The following RIMKLA variants were observed in gnomAD, a reference collection of about 807,000 sequenced individuals.
The protein encoded by RIMKLA is N-acetylaspartylglutamate synthase A.
RIMKLA carries 14 observed loss-of-function variants against 32.7 expected under a neutral mutation model. The observed-to-expected ratio is 0.43, with a 90% CI of 0.28 to 0.67. The LOEUF (loss-of-function observed/expected upper bound fraction) is 0.67. RIMKLA is among the 30% of genes least tolerant of loss of function. The probability of loss-of-function intolerance (pLI) is 0.18; values close to 1 mark genes in which losing one functional copy is unlikely to be tolerated. For missense variants in RIMKLA, 410 were observed against 519.0 expected, an observed-to-expected ratio of 0.79 and a Z score of 2.04; for synonymous variants, 176 against 204.1, an observed-to-expected ratio of 0.86 and a Z score of 1.18.
intron 1 of RIMKLA, among the ~76,000 whole-genome samples, chr1:42,399,122 AGGAAGGTGACT>A (rs1643072469): frequency 6.6e-6 from 1 of 152,164 alleles, no homozygotes; most frequent in African/African-American, 2.4e-5. Flanking sequence ...TCCTATGGGA[AGGAAGGTGACT>A]GTATATCTCC....
chr1:42,381,636 G>A (rs562612294), intron 1 of RIMKLA, among the ~76,000 whole-genome samples: 1 of 152,314 alleles, frequency 6.6e-6, no homozygotes, highest in Non-Finnish European at 1.5e-5. Flanking sequence ...CGAGTGTAAA[G>A]TGGGAGTGTA....
intron 1 of RIMKLA, among the ~76,000 whole-genome samples, chr1:42,398,706 C>T (rs1336795800): frequency 6.6e-6 from 1 of 152,110 alleles, no homozygotes; most frequent in African/African-American, 2.4e-5. Context: ...CAATGGCTCA[C>T]GCCTGTAATC....
rs550091202 is a variant in RIMKLA, at chr1:42,420,393, C to A, written c.*5419C>A. On this transcript the variant is annotated 3_prime_UTR_variant, in exon 5 of 5. Coordinates refer to ENST00000431473, the MANE Select transcript of RIMKLA (RefSeq NM_173642.4). The stretch of plus-strand genomic sequence containing the variant: ...GCTACAACAGTGCAGACTCGGCACC[C>A]CATTTATAGAATGTTCTTTTTATAT... The A allele has an allele frequency of 6.6e-6, 1 of 152,256 alleles. No homozygotes were observed. The highest frequency in any genetic ancestry group is 1.9e-4 in the East Asian group (1 of 5,190). 9.4% of individuals were successfully genotyped at this position (152,256 alleles called of 1,614,324 possible). A position where few individuals can be genotyped will look rare whatever the true frequency, so the allele number is the denominator to read the frequency against.
At chr1:42,408,097 C>G (rs771761087) in intron 3 of RIMKLA, among the ~76,000 whole-genome samples, 1 of 152,222 alleles carries the variant, frequency 6.6e-6, no homozygotes, top group Non-Finnish European at 1.5e-5. Context: ...CTCCTGGCAT[C>G]AGATGTGTAT....
chr1:42,397,006 G>T (rs1335531147), intron 1 of RIMKLA, among the ~76,000 whole-genome samples: 1 of 146,162 alleles, frequency 6.8e-6, no homozygotes, highest in Non-Finnish European at 1.5e-5. Context: ...ATTTTTCAAA[G>T]AACAGTAAAA....
At chr1:42,399,679 T>C in intron 2 of RIMKLA, 45 bp downstream of exon 2, 1 of 1,211,560 alleles carries the variant, frequency 8.3e-7, no homozygotes. Context: ...GCATCTCTGT[T>C]TTCTTTCCTT....
rs1642879284 is a variant in RIMKLA at position 42,380,824 on chromosome 1, G to T, written c.-111G>T. The T allele has an allele frequency of 3.7e-6, 2 of 547,116 alleles. No individual in the cohort carries two copies. The highest frequency in any genetic ancestry group is 1.6e-4 in the South Asian group (2 of 12,340). The allele number at this position is 547,116 out of a possible 1,614,324, so 33.9% of individuals were successfully genotyped here. A position where few individuals can be genotyped will look rare whatever the true frequency, so the allele number is the denominator to read the frequency against. ...CGCCTGGCGCACCCGCGGGAGCGGA[G>T]CCGTGGCGCGCTCGCCCCGGACGCC... On this transcript the variant is annotated 5_prime_UTR_variant, in exon 1 of 5. Transcript: ENST00000431473.
chr1:42,416,090 G>C lies in RIMKLA; in HGVS notation c.*1116G>C, dbSNP rs1042329953. 5 of 94,556 alleles carry C rather than the reference G, an allele frequency of 5.3e-5. 1 individual carries two copies. The highest frequency in any genetic ancestry group is 1.2e-4 in the African/African-American group (3 of 25,262). 5.9% of individuals were successfully genotyped at this position (94,556 alleles called of 1,614,324 possible). ...GAATTACCCATTGCACATTTTGCGG[G>C]GGGGGGGGCTAATGTAGACATGACA... On this transcript the variant is annotated 3_prime_UTR_variant, in exon 5 of 5. Coordinates refer to ENST00000431473, the MANE Select transcript of RIMKLA (RefSeq NM_173642.4).
intron 3 of RIMKLA, among the ~76,000 whole-genome samples, chr1:42,406,409 C>G (rs1253284990): frequency 6.6e-6 from 1 of 152,136 alleles, no homozygotes; most frequent in East Asian, 1.9e-4. Context: ...AACCACTGAC[C>G]TATTATTAAT....
intron 1 of RIMKLA, among the ~76,000 whole-genome samples, chr1:42,394,142 A>G (rs115886691): frequency 5.1e-4 from 77 of 152,338 alleles, no homozygotes; most frequent in African/African-American, 1.8e-3. Context: ...TTTCACTGCC[A>G]GCCACTGTTA....
At chr1:42,407,927 G>A (rs2148393449) in intron 3 of RIMKLA, among the ~76,000 whole-genome samples, 1 of 152,094 alleles carries the variant, frequency 6.6e-6, no homozygotes, top group East Asian at 1.9e-4. Flanking sequence ...TTTATTAACT[G>A]CAGACTGACC....
rs1408110165 is a variant in RIMKLA, at chr1:42,420,238, G to A, written c.*5264G>A. ...CTTCTGCTACCTCATTTTAAATAGCGTCTTATCCCTGCAATGCATCAGCTG... is the reference window on the plus strand; with the variant it reads ...CTTCTGCTACCTCATTTTAAATAGCATCTTATCCCTGCAATGCATCAGCTG... On this transcript the variant is annotated 3_prime_UTR_variant, in exon 5 of 5. Transcript: ENST00000431473. 2.0e-5 allele frequency: 3 copies of A among 152,158 alleles called. No homozygotes were observed. The highest frequency in any genetic ancestry group is 2.9e-5 in the Non-Finnish European group (2 of 68,038). 9.4% of individuals were successfully genotyped at this position (152,158 alleles called of 1,614,324 possible).
chr1:42,386,864 GAC>G (rs1642953055), intron 1 of RIMKLA, among the ~76,000 whole-genome samples: 1 of 123,262 alleles, frequency 8.1e-6, no homozygotes, highest in Non-Finnish European at 1.7e-5. Context: ...TACCCTGGGC[GAC>G]ACAGACTCCA....
intron 3 of RIMKLA, among the ~76,000 whole-genome samples, chr1:42,405,770 G>C (rs900143157): frequency 2.6e-5 from 4 of 152,226 alleles, no homozygotes; most frequent in African/African-American, 7.2e-5. Context: ...CCAGGGGTCT[G>C]TTTAAGCCTA....
intron 3 of RIMKLA, among the ~76,000 whole-genome samples, chr1:42,409,271 C>T (rs1187065201): frequency 8.7e-6 from 1 of 114,422 alleles, no homozygotes; most frequent in Admixed American, 8.7e-5. Context: ...GCAATTTGAA[C>T]AGAAAATAAA....
rs750933862 is a variant in RIMKLA, at chr1:42,414,488, C to T, written c.690C>T (p.Gly230=). ...GRMQSNCSLG[G]VGVKCPLTEQ... Reference sequence around the variant, plus strand: ...ATCACTGTGCTTTCCCCACAGGTGGCGTGGGCGTCAAGTGTCCGCTGACAG... The same window carrying T: ...ATCACTGTGCTTTCCCCACAGGTGGTGTGGGCGTCAAGTGTCCGCTGACAG... Residue 230 remains glycine (G), a synonymous_variant, in exon 5 of 5, where the codon GGC becomes GGT. Transcript: ENST00000431473. 1.8e-5 allele frequency: 29 copies of T among 1,613,532 alleles called. No individual in the cohort carries two copies. Among genetic ancestry groups the T allele is most frequent in the Non-Finnish European group, 1.9e-5 (22 of 1,179,698 alleles).
rs547004979 is a variant in RIMKLA at position 42,384,475 on chromosome 1, ATG to A, written c.163+3390_163+3391del. Among the ~76,000 whole-genome samples the A allele has an allele frequency of 5.4e-5, 8 of 146,858 alleles. No individual in the cohort carries two copies. The South Asian group carries it at 6.9e-4, about 13-fold the overall frequency. Reference sequence around the variant, plus strand: ...ATAATAATAATGGTCATAGCCATATATGTGTGTGTGTGTATATATATATACAT... The same window carrying A: ...ATAATAATAATGGTCATAGCCATATATGTGTGTGTGTATATATATATACAT... On this transcript the variant is annotated intron_variant, in intron 1 of 4. Transcript: ENST00000431473.
chr1:42,382,318 A>C (rs1240955470), intron 1 of RIMKLA, among the ~76,000 whole-genome samples: 1 of 152,230 alleles, frequency 6.6e-6, no homozygotes, highest in African/African-American at 2.4e-5. Context: ...AAACTGTCAC[A>C]GTTAATGTAG....
intron 3 of RIMKLA, 129 bp from the exon 4 acceptor site, chr1:42,409,855 G>A (rs1643181712): frequency 1.4e-6 from 1 of 727,016 alleles, no homozygotes; most frequent in Admixed American, 2.2e-5. Context: ...GTCTAGCAGA[G>A]AAATAGAAGG....
Sources: allele counts gnomAD v4.1 joint callset (sites outside exome capture counted in the v4.1 genomes callset), GRCh38; gene constraint gnomAD v4.1.1; transcripts MANE v1.5; gene names NCBI Gene and HGNC (gene_info 2026-07-23, HGNC 2026-07-21).